Variants in CDK14 observed in about 807,000 individuals in gnomAD.
The protein encoded by CDK14 is cyclin dependent kinase 14, also known as cyclin-dependent kinase 14.
A neutral mutation model predicts 60.7 loss-of-function variants in CDK14; 34 were observed. That is an observed-to-expected ratio of 0.56 (90% confidence interval 0.43 to 0.75). The LOEUF is 0.75. Ranked by LOEUF, CDK14 falls within the 30% of genes least tolerant of loss-of-function variation. The pLI, the probability that CDK14 is intolerant of heterozygous loss-of-function variation, is 0.00. For missense variants in CDK14, 482 were observed against 564.1 expected (o/e 0.85, Z 1.47); for synonymous variants, 197 against 203.7 (o/e 0.97, Z 0.28).
intron 5 of CDK14, among the ~76,000 whole-genome samples, chr7:90,862,906 A>G (rs1376603628): frequency 1.3e-5 from 2 of 152,174 alleles, no homozygotes; most frequent in Non-Finnish European, 2.9e-5. Flanking sequence ...CTGGCCAGGC[A>G]CTGTGTTATA....
chr7:91,105,586 T>G (rs527999979), intron 12 of CDK14, among the ~76,000 whole-genome samples: 24 of 152,286 alleles, frequency 1.6e-4, no homozygotes, highest in Non-Finnish European at 2.5e-4. Context: ...AAAATCCTTA[T>G]GGGGAAACAC....
chr7:90,858,760 C>G (rs759492110), intron 5 of CDK14, among the ~76,000 whole-genome samples: 1 of 152,062 alleles, frequency 6.6e-6, no homozygotes, highest in African/African-American at 2.4e-5. Flanking sequence ...GGTGCAGAAG[C>G]AAGTATCACT....
chr7:91,137,740 G>A (rs978066772), intron 14 of CDK14, among the ~76,000 whole-genome samples: 3 of 151,408 alleles, frequency 2.0e-5, no homozygotes, highest in Admixed American at 6.6e-5. Context: ...GTGTTTAATT[G>A]GAGTAATAAA....
chr7:90,696,336 C>CTTCTTCTTCT (rs772009194), intron 2 of CDK14, among the ~76,000 whole-genome samples: 1 of 125,694 alleles, frequency 8.0e-6, no homozygotes, highest in East Asian at 2.2e-4. Flanking sequence ...ACTTCTTCTT[C>CTTCTTCTTCT]TTTTTTTTTT....
At chr7:91,141,677 G>A (rs550890549) in intron 14 of CDK14, among the ~76,000 whole-genome samples, 15 of 152,242 alleles carry the variant, frequency 9.9e-5, no homozygotes, top group Admixed American at 3.3e-4. Flanking sequence ...CCGAGCCAGG[G>A]CATTCCAACC....
At chr7:90,880,785 C>T (rs1162275190) in intron 6 of CDK14, among the ~76,000 whole-genome samples, 1 of 152,058 alleles carries the variant, frequency 6.6e-6, no homozygotes, top group Non-Finnish European at 1.5e-5. Flanking sequence ...GGGACAGGAA[C>T]GAATCAGATG....
intron 12 of CDK14, among the ~76,000 whole-genome samples, chr7:91,084,699 G>A (rs1417754912): frequency 6.6e-6 from 1 of 152,176 alleles, no homozygotes; most frequent in Non-Finnish European, 1.5e-5. Context: ...TTGGACACGC[G>A]TTTTTTGATC....
At chr7:90,753,307 T>C (rs1803921012) in intron 4 of CDK14, among the ~76,000 whole-genome samples, 2 of 152,220 alleles carry the variant, frequency 1.3e-5, no homozygotes, top group Non-Finnish European at 2.9e-5. Context: ...GTAGGCTTCA[T>C]TCCTGGGATG....
intron 4 of CDK14, among the ~76,000 whole-genome samples, chr7:90,763,973 A>G (rs1443635173): frequency 6.6e-6 from 1 of 152,162 alleles, no homozygotes; most frequent in African/African-American, 2.4e-5. Flanking sequence ...GATAAATTAT[A>G]TGATCATATT....
intron 2 of CDK14, among the ~76,000 whole-genome samples, chr7:90,637,128 A>G (rs926100065): frequency 6.6e-6 from 1 of 151,626 alleles, no homozygotes; most frequent in African/African-American, 2.4e-5. Context: ...CTTGGTCTCT[A>G]TTTCCTTCAG....
intron 4 of CDK14, among the ~76,000 whole-genome samples, chr7:90,781,543 G>T (rs987790780): frequency 1.5e-4 from 22 of 148,388 alleles, no homozygotes; most frequent in Non-Finnish European, 2.8e-4. Flanking sequence ...GGTTTTTATG[G>T]TTTGAGGTCT....
chr7:90,810,740 C>A (rs1789062683), intron 5 of CDK14, among the ~76,000 whole-genome samples: 1 of 151,856 alleles, frequency 6.6e-6, no homozygotes, highest in Non-Finnish European at 1.5e-5. Flanking sequence ...CCAAAATGTC[C>A]TTAAGCTGAT....
intron 9 of CDK14, among the ~76,000 whole-genome samples, chr7:90,961,116 A>G (rs1448861097): frequency 2.0e-5 from 3 of 152,194 alleles, no homozygotes; most frequent in South Asian, 2.1e-4. Flanking sequence ...ACAAGACACT[A>G]CATAATCTCT....
intron 2 of CDK14, among the ~76,000 whole-genome samples, chr7:90,654,565 G>A (rs762896031): frequency 1.3e-5 from 2 of 152,088 alleles, no homozygotes; most frequent in Non-Finnish European, 2.9e-5. Flanking sequence ...TTCACCGTAA[G>A]AACTCTCCAT....
chr7:90,615,281 A>G (rs1799628522), intron 2 of CDK14, among the ~76,000 whole-genome samples: 1 of 152,240 alleles, frequency 6.6e-6, no homozygotes, highest in Non-Finnish European at 1.5e-5. Flanking sequence ...CAATCTTGCA[A>G]GTTACAATTT....
chr7:91,090,549 T>TAAAAAACAAAAAAAA (rs1213936811), intron 12 of CDK14, among the ~76,000 whole-genome samples: 4 of 152,190 alleles, frequency 2.6e-5, no homozygotes, highest in Admixed American at 1.3e-4. Context: ...AGATAGAACA[T>TAAAAAACAAAAAAAA]AACTTCTGAT....
intron 5 of CDK14, among the ~76,000 whole-genome samples, chr7:90,835,804 T>C (rs1263530455): frequency 6.6e-6 from 1 of 152,174 alleles, no homozygotes; most frequent in African/African-American, 2.4e-5. Flanking sequence ...GCAAACATCA[T>C]AGAGTGCTAA....
intron 6 of CDK14, among the ~76,000 whole-genome samples, chr7:90,863,658 G>T (rs1250938259): frequency 2.1e-5 from 3 of 141,034 alleles, no homozygotes; most frequent in Non-Finnish European, 3.1e-5. Flanking sequence ...TCAAAAGCAT[G>T]CTTATTAAGA....
intron 4 of CDK14, among the ~76,000 whole-genome samples, chr7:90,779,650 C>T (rs1385382413): frequency 6.6e-6 from 1 of 152,168 alleles, no homozygotes; most frequent in Non-Finnish European, 1.5e-5. Flanking sequence ...AGCCATCACC[C>T]ATCTTCAAAC....
Sources: allele counts gnomAD v4.1 joint callset (sites outside exome capture counted in the v4.1 genomes callset), GRCh38; gene constraint gnomAD v4.1.1; transcripts MANE v1.5; gene names NCBI Gene and HGNC (gene_info 2026-07-23, HGNC 2026-07-21).